Variants in AGO4 observed in about 807,000 individuals in gnomAD.
AGO4 encodes argonaute RISC component 4.
A neutral mutation model predicts 104.7 loss-of-function variants in AGO4; 33 were observed. That is an observed-to-expected ratio of 0.32 (90% CI 0.24 to 0.42). The LOEUF (loss-of-function observed/expected upper bound fraction) is 0.42, where lower values mean the gene tolerates loss of function less well. Among genes scored for constraint, AGO4 ranks in the 10% least tolerant of loss-of-function variants. The pLI is 1.00. For missense variants in AGO4, 711 were observed against 1,083.4 expected, an observed-to-expected ratio of 0.66 and a Z score of 4.83; for synonymous variants, 331 against 364.7, an observed-to-expected ratio of 0.91 and a Z score of 1.05.
chr1:35,831,755 A>G, intron 8 of AGO4, 57 bp from the exon 9 acceptor site: 1 of 1,596,322 alleles, frequency 6.3e-7, no homozygotes, highest in Non-Finnish European at 8.5e-7. Flanking sequence ...ATGGTTTGGC[A>G]AAGGTTTAAG....
At chr1:35,832,649 A>G in intron 11 of AGO4, 79 bp downstream of exon 11, 15 of 1,496,996 alleles carry the variant, frequency 1.0e-5, no homozygotes, top group Non-Finnish European at 1.3e-5. Flanking sequence ...TGTGCTGTGT[A>G]CACTGGCACT....
intron 1 of AGO4, among the ~76,000 whole-genome samples, chr1:35,812,306 T>G (rs1643535135): frequency 6.6e-6 from 1 of 152,236 alleles, no homozygotes; most frequent in Non-Finnish European, 1.5e-5. Context: ...ATCTAACTTT[T>G]CTCTTTGCCA....
chr1:35,838,626 C>T (rs1204097625), intron 13 of AGO4, among the ~76,000 whole-genome samples: 1 of 152,064 alleles, frequency 6.6e-6, no homozygotes, highest in Admixed American at 6.6e-5. Flanking sequence ...GTCAGATTGA[C>T]TCTAGAGTAA....
chr1:35,822,118 G>GC lies in AGO4; in HGVS notation c.186-744_186-743insC, dbSNP rs1643899449. ...TAGTCTCGAACTCCTGACCTCAAGT[G>GC]ATCCACCTGCCTCGGCCTCCCAAAG... On this transcript the variant is annotated intron_variant, in intron 2 of 17. Transcript: ENST00000373210. Among the ~76,000 whole-genome samples, 3 of 152,098 alleles carry GC rather than the reference G, an allele frequency of 2.0e-5. No individual in the cohort carries two copies. In the East Asian group the frequency reaches 5.8e-4, roughly 29 times the overall value.
Position 35,835,944 on chromosome 1 carries a change from A to G in AGO4, c.1675A>G (p.Ile559Val). ...PQTLSNLCLK[I>V]NAKLGGINNV... ...AACCCTTTCCAATCTTTGCCTGAAG[A>G]TAAATGCAAAACTTGGAGGAATTAA... The change falls in exon 13 of 18, where the codon ATA (isoleucine) becomes GTA (valine). Residue 559 changes from isoleucine (I) to valine (V), a missense_variant. Coordinates refer to ENST00000373210, the MANE Select transcript of AGO4 (RefSeq NM_017629.4). The G allele has an allele frequency of 6.2e-7, 1 of 1,614,144 alleles. No individual in the cohort carries two copies. The highest frequency in any genetic ancestry group is 8.5e-7 in the Non-Finnish European group (1 of 1,180,026).
chr1:35,853,170 A>G (rs1010801706), intron 17 of AGO4, among the ~76,000 whole-genome samples: 2 of 151,408 alleles, frequency 1.3e-5, no homozygotes, highest in Non-Finnish European at 1.5e-5. Flanking sequence ...AGAATGGTGT[A>G]AACCCGGGAG....
chr1:35,828,524 TC>T (rs1330752713), intron 7 of AGO4, among the ~76,000 whole-genome samples: 3 of 151,886 alleles, frequency 2.0e-5, no homozygotes, highest in Non-Finnish European at 4.4e-5. Context: ...ACCCAACACT[TC>T]TTTTTTTTTT....
intron 13 of AGO4, among the ~76,000 whole-genome samples, chr1:35,839,171 G>A (rs575394399): frequency 2.6e-5 from 4 of 152,030 alleles, no homozygotes; most frequent in South Asian, 2.1e-4. Context: ...TCATACAGAC[G>A]AGGTTTCTCC....
At chr1:35,809,749 C>G (rs972771787) in intron 1 of AGO4, among the ~76,000 whole-genome samples, 1 of 152,096 alleles carries the variant, frequency 6.6e-6, no homozygotes, top group African/African-American at 2.4e-5. Context: ...TACTCAATTC[C>G]TTTGAACTTT....
In AGO4 at chr1:35,833,850, A is replaced by T. The variant is rs377611682; in HGVS notation, c.1380-140A>T. 3 of 743,774 alleles carry T rather than the reference A, an allele frequency of 4.0e-6. No homozygotes were observed. The African/African-American group carries it at 5.5e-5, about 14-fold the overall frequency. 46.1% of individuals were successfully genotyped at this position (743,774 alleles called of 1,614,324 possible). A position where few individuals can be genotyped will look rare whatever the true frequency, so the allele number is the denominator to read the frequency against. Reference sequence around the variant, plus strand: ...CCAGTCCATTTTTGGCAACCAGTTAAAGATTTTTATTTATTTGTTTACTTG... The same window carrying T: ...CCAGTCCATTTTTGGCAACCAGTTATAGATTTTTATTTATTTGTTTACTTG... On this transcript the variant is annotated intron_variant, in intron 11 of 17. Transcript: ENST00000373210.
Position 35,841,814 on chromosome 1 carries a change from A to G in AGO4, c.2175+64A>G, listed in dbSNP as rs1251153694. On this transcript the variant is annotated intron_variant, in intron 15 of 17. Transcript: ENST00000373210. This position sits in a 1 kb window ranked among gnomAD's most constrained non-coding sequence, Gnocchi z 4.7. ...TGGCAAGAGATGTATATATGCACAT[A>G]TATATATATATATATATATATATAC... 2.1e-5 allele frequency: 3 copies of G among 139,694 alleles called. No individual in the cohort carries two copies. The highest frequency in any genetic ancestry group is 2.5e-5 in the Non-Finnish European group (3 of 120,100). The allele number at this position is 139,694 out of a possible 1,614,324, so 8.7% of individuals were successfully genotyped here.
At position 35,808,252 on chromosome 1, in the gene AGO4, G is replaced by A. The variant is rs1190022073; in HGVS notation, c.-165G>A. 5.7e-6 allele frequency: 1 copy of A among 175,560 alleles called. No homozygotes were observed. The highest frequency in any genetic ancestry group is 1.7e-4 in the South Asian group (1 of 5,718). 10.9% of individuals were successfully genotyped at this position (175,560 alleles called of 1,614,324 possible). ...GAGCCGGAGCCGGGTCCCTGTCCCC[G>A]GGCCGGGCGCCGCCGCCGCCCCCTG... is the stretch of plus-strand genomic sequence containing the variant. On this transcript the variant is annotated 5_prime_UTR_variant, in exon 1 of 18. Coordinates refer to ENST00000373210, the MANE Select transcript of AGO4 (RefSeq NM_017629.4). This position sits in a 1 kb window ranked among gnomAD's most constrained non-coding sequence, Gnocchi z 5.2.
At position 35,850,862 on chromosome 1, in the gene AGO4, C is replaced by T; in HGVS notation, c.2286C>T (p.Ser762=). The T allele has an allele frequency of 6.2e-7, 1 of 1,611,834 alleles. No homozygotes were observed. The highest frequency in any genetic ancestry group is 1.1e-5 in the South Asian group (1 of 90,888). Reference sequence around the variant, plus strand: ...TAAAACTCTCTCCTCAGGGAACCAGCCGTCCCTCACATTACCAGGTCTTGT... The same window carrying T: ...TAAAACTCTCTCCTCAGGGAACCAGTCGTCCCTCACATTACCAGGTCTTGT... ...LCSHAGIQGT[S]RPSHYQVLWD... The change falls in exon 17 of 18, where the codon AGC becomes AGT. Residue 762 remains serine, a synonymous_variant. Coordinates refer to ENST00000373210, the MANE Select transcript of AGO4 (RefSeq NM_017629.4).
At chr1:35,824,210 T>C (rs1643955444) in intron 3 of AGO4, among the ~76,000 whole-genome samples, 1 of 152,122 alleles carries the variant, frequency 6.6e-6, no homozygotes, top group African/African-American at 2.4e-5. Context: ...AATCTAGAAA[T>C]GCTGTGATTT....
At position 35,853,801 on chromosome 1, in the gene AGO4, A is replaced by G. The variant is rs1421339385; in HGVS notation, c.*196A>G. The stretch of plus-strand genomic sequence containing the variant: ...AATTGAGCCATTTTTTTAAAGTAAT[A>G]GATACTAATAGATTATCTTTTCTGA... On this transcript the variant is annotated 3_prime_UTR_variant, in exon 18 of 18. Coordinates refer to ENST00000373210, the MANE Select transcript of AGO4 (RefSeq NM_017629.4). 1.1e-5 allele frequency: 5 copies of G among 454,754 alleles called. No homozygotes were observed. The highest frequency in any genetic ancestry group is 2.0e-5 in the Non-Finnish European group (5 of 251,932). The allele number at this position is 454,754 out of a possible 1,614,324, so 28.2% of individuals were successfully genotyped here. A position where few individuals can be genotyped will look rare whatever the true frequency, so the allele number is the denominator to read the frequency against.
intron 2 of AGO4, among the ~76,000 whole-genome samples, chr1:35,818,705 A>AAGGAAGGAAG (rs1643810401): frequency 2.5e-5 from 3 of 120,286 alleles, no homozygotes; most frequent in African/African-American, 1.0e-4. Context: ...AAGGAAGGAA[A>AAGGAAGGAAG]GAAACAAACA....
chr1:35,839,071 C>A (rs1343074965), intron 13 of AGO4, among the ~76,000 whole-genome samples: 2 of 152,116 alleles, frequency 1.3e-5, no homozygotes, highest in African/African-American at 2.4e-5. Context: ...AACTCCGCCT[C>A]CCAGGCTCAA....
intron 17 of AGO4, among the ~76,000 whole-genome samples, chr1:35,852,116 C>G (rs955149575): frequency 2.6e-5 from 4 of 152,092 alleles, no homozygotes; most frequent in Non-Finnish European, 5.9e-5. Flanking sequence ...TGTACAGTAG[C>G]AAATTTTCTT....
intron 15 of AGO4, among the ~76,000 whole-genome samples, chr1:35,846,382 G>C (rs1029503667): frequency 4.6e-5 from 7 of 152,016 alleles, no homozygotes; most frequent in Admixed American, 4.6e-4. Context: ...CGGATCACAA[G>C]GTCAGGAGAT....
Sources: gnomAD v4.1 joint callset for allele counts (sites outside exome capture counted in the v4.1 genomes callset) on GRCh38, gnomAD v4.1.1 for gene constraint, Gnocchi (gnomAD v3.1) non-coding constraint, MANE v1.5 for transcripts, NCBI Gene and HGNC (gene_info 2026-07-23, HGNC 2026-07-21) for gene names.